The following SHANK2 variants were observed in gnomAD, a reference collection of about 807,000 sequenced individuals.
SHANK2 encodes SH3 and multiple ankyrin repeat domains 2.
A neutral mutation model predicts 133.7 loss-of-function variants in SHANK2; 43 were observed. The observed-to-expected ratio is 0.32, with a 90% CI of 0.25 to 0.41. The LOEUF (loss-of-function observed/expected upper bound fraction) is 0.41. SHANK2 is among the 10% of genes least tolerant of loss of function. The pLI is 1.00. For synonymous variants in SHANK2, 1,017 were observed against 952.8 expected (o/e 1.07, Z -1.24); for missense variants, 1,994 against 2,235.8 (o/e 0.89, Z 2.18).
At chr11:70,615,100 C>G (rs1338222632) in intron 17 of SHANK2, among the ~76,000 whole-genome samples, 5 of 152,220 alleles carry the variant, frequency 3.3e-5, no homozygotes, top group African/African-American at 9.6e-5. Flanking sequence ...CTTCCGATGG[C>G]AGAGGGGGAT....
rs1369966047 is a variant in SHANK2 at position 71,084,101 on chromosome 11, C to CT, written c.912+8320dup. Among the ~76,000 whole-genome samples, 1,402 of 152,112 alleles carry CT rather than the reference C, an allele frequency of 9.2e-3. 12 individuals carry two copies. Among genetic ancestry groups the CT allele is most frequent in the Middle Eastern group, 0.014 (4 of 294 alleles). On this transcript the variant is annotated intron_variant, in intron 8 of 25. Transcript: ENST00000601538. Reference sequence around the variant, plus strand: ...TCTCCTGCCTCAGCCTCCCGAGTAGCTGGGTCTACAGGCACCAGCCATCAC... The same window carrying CT: ...TCTCCTGCCTCAGCCTCCCGAGTAGCTTGGGTCTACAGGCACCAGCCATCAC...
At chr11:70,745,418 C>T (rs1280214200) in intron 14 of SHANK2, among the ~76,000 whole-genome samples, 2 of 152,224 alleles carry the variant, frequency 1.3e-5, no homozygotes, top group African/African-American at 2.4e-5. Context: ...CGTGTCTCAG[C>T]CCTGGGGCTC....
intron 11 of SHANK2, among the ~76,000 whole-genome samples, chr11:70,887,116 T>C (rs967617671): frequency 1.1e-4 from 16 of 152,282 alleles, no homozygotes; most frequent in African/African-American, 3.6e-4. Context: ...ATGCTTAATG[T>C]GTGCACGACT....
intron 12 of SHANK2, among the ~76,000 whole-genome samples, chr11:70,809,171 C>A (rs1285085293): frequency 2.6e-5 from 4 of 152,218 alleles, no homozygotes; most frequent in African/African-American, 9.6e-5. Flanking sequence ...CGGGCACATG[C>A]TCAGAAAGAC....
chr11:70,766,448 G>A (rs56215509), intron 14 of SHANK2, among the ~76,000 whole-genome samples: 1,711 of 152,314 alleles, frequency 0.011, 32 homozygotes, highest in African/African-American at 0.038. Context: ...GAAGTCAGAG[G>A]GGAGGAAGGG....
rs76797782 is a variant in SHANK2, at chr11:70,938,790, G to A, written c.1108-42223C>T. On this transcript the variant is annotated intron_variant, in intron 10 of 25. Transcript: ENST00000601538. ...GCCAGAGGTCAGAGTCAGGCTAGTG[G>A]ACTCCAGTTCCACACACCTAGAGCA... Among the ~76,000 whole-genome samples the A allele has an allele frequency of 7.7e-3, 1,177 of 152,248 alleles. 42 individuals are homozygous for A. In the East Asian group the frequency reaches 0.11, roughly 14 times the overall value.
intron 14 of SHANK2, among the ~76,000 whole-genome samples, chr11:70,706,884 G>GGAT (rs1190437351): frequency 6.6e-6 from 1 of 152,200 alleles, no homozygotes; most frequent in Non-Finnish European, 1.5e-5. Flanking sequence ...GCTGGAAAGA[G>GGAT]GATGCTGTAC....
chr11:71,058,727 C>T (rs1950951084), intron 9 of SHANK2, among the ~76,000 whole-genome samples: 2 of 152,216 alleles, frequency 1.3e-5, no homozygotes, highest in Non-Finnish European at 2.9e-5. Flanking sequence ...CAGGTGTGAC[C>T]ACCTGGACTC....
At chr11:71,063,470 C>T (rs1018465780) in intron 9 of SHANK2, among the ~76,000 whole-genome samples, 7 of 152,180 alleles carry the variant, frequency 4.6e-5, no homozygotes, top group Admixed American at 2.6e-4. Flanking sequence ...TTCAAAATGC[C>T]CATCTACCCG....
chr11:71,191,187 A>G (rs576675626), intron 2 of SHANK2, among the ~76,000 whole-genome samples: 16 of 152,262 alleles, frequency 1.1e-4, no homozygotes, highest in African/African-American at 3.4e-4. Flanking sequence ...AAAGAAAAAA[A>G]AAATGCAAAA....
chr11:70,591,532 T>C (rs1373878592), intron 17 of SHANK2, among the ~76,000 whole-genome samples: 3 of 143,666 alleles, frequency 2.1e-5, no homozygotes, highest in African/African-American at 7.7e-5. Context: ...AACATTTGCT[T>C]TTCTTAAAAA....
chr11:70,902,094 G>A (rs1303745207), intron 10 of SHANK2, among the ~76,000 whole-genome samples: 2 of 152,208 alleles, frequency 1.3e-5, no homozygotes, highest in Non-Finnish European at 2.9e-5. Flanking sequence ...ACAGGAGGCT[G>A]GGAGAATTCA....
intron 17 of SHANK2, among the ~76,000 whole-genome samples, chr11:70,530,937 G>A (rs547885722): frequency 6.6e-6 from 1 of 151,980 alleles, no homozygotes; most frequent in Non-Finnish European, 1.5e-5. Context: ...AGGCCGAGGC[G>A]GGTGGATCGT....
chr11:71,247,476 GT>G (rs5792549), intron 1 of SHANK2, among the ~76,000 whole-genome samples: 1 of 147,478 alleles, frequency 6.8e-6, no homozygotes, highest in African/African-American at 2.5e-5. Flanking sequence ...AGAACAAGCT[GT>G]TTTTTTTAAA....
chr11:70,672,606 C>A (rs1944834118), intron 15 of SHANK2, among the ~76,000 whole-genome samples: 1 of 152,272 alleles, frequency 6.6e-6, no homozygotes, highest in Non-Finnish European at 1.5e-5. Flanking sequence ...GGGTCACCTC[C>A]AGAGATGGGC....
At chr11:70,841,827 T>C (rs1555061796) in intron 11 of SHANK2, among the ~76,000 whole-genome samples, 1 of 152,190 alleles carries the variant, frequency 6.6e-6, no homozygotes, top group Non-Finnish European at 1.5e-5. Context: ...TTCTCAGGCC[T>C]CAACCCCAAC....
intron 11 of SHANK2, among the ~76,000 whole-genome samples, chr11:70,834,366 G>GA (rs1295498504): frequency 6.6e-6 from 1 of 152,122 alleles, no homozygotes; most frequent in Non-Finnish European, 1.5e-5. Context: ...ATGGGGAGCC[G>GA]AAAAAAGAAA....
At chr11:71,076,509 A>C (rs1171696545) in intron 8 of SHANK2, among the ~76,000 whole-genome samples, 2 of 145,426 alleles carry the variant, frequency 1.4e-5, no homozygotes, top group South Asian at 2.1e-4. Context: ...CAAAAAAAAA[A>C]CAAACAAAAA....
chr11:70,902,616 C>A (rs782545391), intron 10 of SHANK2, among the ~76,000 whole-genome samples: 2 of 152,182 alleles, frequency 1.3e-5, no homozygotes, highest in South Asian at 2.1e-4. Flanking sequence ...CAGTTCCAGG[C>A]GGCATCGATG....
Sources: allele counts gnomAD v4.1 joint callset (sites outside exome capture counted in the v4.1 genomes callset), GRCh38; gene constraint gnomAD v4.1.1; transcripts MANE v1.5; gene names NCBI Gene and HGNC (gene_info 2026-07-23, HGNC 2026-07-21).